The following KCTD8 variants were observed in gnomAD, a reference collection of about 807,000 sequenced individuals.
KCTD8 encodes potassium channel tetramerization domain containing 8.
In KCTD8, 27 loss-of-function variants were observed where a neutral mutation model predicts 31.5. The ratio of observed to expected loss-of-function variants is 0.86; its 90% CI spans 0.63 to 1.18. KCTD8 has a LOEUF of 1.18. Among genes scored for constraint, KCTD8 ranks in the 50% most tolerant of loss-of-function variants. The probability of loss-of-function intolerance (pLI) is 0.00; values close to 1 mark genes in which losing one functional copy is unlikely to be tolerated. For missense variants in KCTD8, 658 were observed against 647.7 expected, an observed-to-expected ratio of 1.02 and a Z score of -0.17; for synonymous variants, 290 against 280.0, an observed-to-expected ratio of 1.04 and a Z score of -0.36.
chr4:44,321,579 C>T (rs1386337460), intron 1 of KCTD8, among the ~76,000 whole-genome samples: 1 of 152,130 alleles, frequency 6.6e-6, no homozygotes. Context: ...ATATCCACCA[C>T]CTCAAACGTT....
intron 1 of KCTD8, among the ~76,000 whole-genome samples, chr4:44,421,801 C>A (rs1444825495): frequency 6.6e-6 from 1 of 151,996 alleles, no homozygotes; most frequent in Non-Finnish European, 1.5e-5. Context: ...TCTGATGTTC[C>A]AATTTTTGAT....
At chr4:44,291,469 G>A (rs1029149635) in intron 1 of KCTD8, among the ~76,000 whole-genome samples, 2 of 151,974 alleles carry the variant, frequency 1.3e-5, no homozygotes, top group African/African-American at 2.4e-5. Flanking sequence ...TTCCTGTCAT[G>A]TTATACAAAA....
At chr4:44,417,459 T>C (rs992890715) in intron 1 of KCTD8, among the ~76,000 whole-genome samples, 2 of 152,034 alleles carry the variant, frequency 1.3e-5, no homozygotes, top group African/African-American at 4.8e-5. Flanking sequence ...ACTCTAGTAA[T>C]GTACTGGCTC....
chr4:44,331,927 G>A (rs549121323), intron 1 of KCTD8, among the ~76,000 whole-genome samples: 29 of 151,268 alleles, frequency 1.9e-4, no homozygotes, highest in African/African-American at 6.3e-4. Flanking sequence ...AATAATCCAC[G>A]TAAATAACTG....
chr4:44,253,911 G>A (rs1461183314), intron 1 of KCTD8, among the ~76,000 whole-genome samples: 1 of 151,902 alleles, frequency 6.6e-6, no homozygotes, highest in Non-Finnish European at 1.5e-5. Flanking sequence ...TAAAATATGT[G>A]TACTGATAGT....
intron 1 of KCTD8, among the ~76,000 whole-genome samples, chr4:44,221,558 C>G (rs1471473859): frequency 6.6e-6 from 1 of 152,098 alleles, no homozygotes; most frequent in Non-Finnish European, 1.5e-5. Flanking sequence ...AGTCCAAAAC[C>G]CTCAAAAGTA....
chr4:44,387,579 T>A (rs1016510857), intron 1 of KCTD8, among the ~76,000 whole-genome samples: 3 of 151,720 alleles, frequency 2.0e-5, no homozygotes, highest in African/African-American at 7.2e-5. Context: ...CACCTGTAAC[T>A]ATTTGATCTT....
intron 1 of KCTD8, among the ~76,000 whole-genome samples, chr4:44,275,198 G>A (rs1015066809): frequency 1.3e-5 from 2 of 151,948 alleles, no homozygotes; most frequent in South Asian, 2.1e-4. Flanking sequence ...CATGTGACTA[G>A]AGATAATAGG....
intron 1 of KCTD8, among the ~76,000 whole-genome samples, chr4:44,332,363 C>A (rs2109413059): frequency 6.6e-6 from 1 of 152,112 alleles, no homozygotes; most frequent in Middle Eastern, 3.4e-3. Context: ...TTCTCTGTTA[C>A]ACATGGCTGT....
chr4:44,373,969 T>C (rs962430288), intron 1 of KCTD8, among the ~76,000 whole-genome samples: 1 of 152,136 alleles, frequency 6.6e-6, no homozygotes, highest in African/African-American at 2.4e-5. Flanking sequence ...TATAAATCTG[T>C]TTTTTTCCAA....
chr4:44,341,783 A>T (rs1718904907), intron 1 of KCTD8, among the ~76,000 whole-genome samples: 1 of 151,964 alleles, frequency 6.6e-6, no homozygotes, highest in Non-Finnish European at 1.5e-5. Context: ...CTTCTTCCAA[A>T]CTCCTGTTAA....
chr4:44,383,594 G>A (rs1464454363), intron 1 of KCTD8, among the ~76,000 whole-genome samples: 3 of 152,012 alleles, frequency 2.0e-5, no homozygotes, highest in Non-Finnish European at 2.9e-5. Context: ...AATGAATAGT[G>A]CTGGGAAAAC....
At chr4:44,355,541 CT>C (rs1034540817) in intron 1 of KCTD8, among the ~76,000 whole-genome samples, 1 of 152,128 alleles carries the variant, frequency 6.6e-6, no homozygotes, top group African/African-American at 2.4e-5. Flanking sequence ...TAAAAATATT[CT>C]TTGCCATTAT....
chr4:44,293,898 T>C, intron 1 of KCTD8: 1 of 418,268 alleles, frequency 2.4e-6, no homozygotes, highest in Non-Finnish European at 4.8e-6. Flanking sequence ...GCATAGAGAA[T>C]GAGATAATTC....
chr4:44,285,570 T>A (rs62304829), intron 1 of KCTD8, among the ~76,000 whole-genome samples: 2 of 152,100 alleles, frequency 1.3e-5, no homozygotes, highest in Non-Finnish European at 2.9e-5. Context: ...TGTATACTTA[T>A]GTAACAAAAC....
chr4:44,217,710 T>C (rs1003311908), intron 1 of KCTD8, among the ~76,000 whole-genome samples: 4 of 152,222 alleles, frequency 2.6e-5, no homozygotes, highest in Admixed American at 1.3e-4. Flanking sequence ...CTGAGTCTTC[T>C]GGCTTTCCTC....
At chr4:44,221,800 T>C (rs986864885) in intron 1 of KCTD8, among the ~76,000 whole-genome samples, 19 of 152,034 alleles carry the variant, frequency 1.2e-4, no homozygotes, top group African/African-American at 4.6e-4. Flanking sequence ...GATTAGATGG[T>C]GCCCACCCAG....
At chr4:44,233,863 A>C (rs1274299144) in intron 1 of KCTD8, among the ~76,000 whole-genome samples, 1 of 152,188 alleles carries the variant, frequency 6.6e-6, no homozygotes, top group Non-Finnish European at 1.5e-5. Flanking sequence ...ATAAAGAAAC[A>C]GTCTGTACAT....
chr4:44,293,329 G>A (rs1717332996), intron 1 of KCTD8: 2 of 386,196 alleles, frequency 5.2e-6, no homozygotes, highest in Admixed American at 6.7e-5. Flanking sequence ...CTTTTCAAAA[G>A]GAAATGTTCA....
Sources: allele counts gnomAD v4.1 joint callset (sites outside exome capture counted in the v4.1 genomes callset), GRCh38; gene constraint gnomAD v4.1.1; transcripts MANE v1.5; gene names NCBI Gene and HGNC (gene_info 2026-07-23, HGNC 2026-07-21).